ERBB4: variants seen among roughly 807,000 people sequenced by gnomAD.
ERBB4 encodes erb-b2 receptor tyrosine kinase 4.
Under a neutral mutation model 158.0 loss-of-function variants are expected in ERBB4, and 42 were observed. That is an observed-to-expected ratio of 0.27 (90% CI 0.21 to 0.34). ERBB4 has a LOEUF of 0.34. Ranked by LOEUF, ERBB4 falls within the 10% of genes least tolerant of loss-of-function variation. The pLI is 1.00. For missense variants in ERBB4, 1,333 were observed against 1,624.1 expected, an observed-to-expected ratio of 0.82 and a Z score of 3.08; for synonymous variants, 583 against 558.7, an observed-to-expected ratio of 1.04 and a Z score of -0.61.
At chr2:211,857,305 T>A (rs1318941741) in intron 3 of ERBB4, among the ~76,000 whole-genome samples, 2 of 152,080 alleles carry the variant, frequency 1.3e-5, no homozygotes, top group South Asian at 2.1e-4. Context: ...AAAGAAAAAA[T>A]TTCTAGTTCA....
chr2:211,743,370 AC>A (rs2074855852), intron 5 of ERBB4, among the ~76,000 whole-genome samples: 1 of 152,098 alleles, frequency 6.6e-6, no homozygotes, highest in Non-Finnish European at 1.5e-5. Flanking sequence ...CTGAGATAAC[AC>A]CAGGTCTAGC....
intron 1 of ERBB4, among the ~76,000 whole-genome samples, chr2:212,264,167 G>A (rs1293291476): frequency 6.6e-6 from 1 of 152,098 alleles, no homozygotes; most frequent in African/African-American, 2.4e-5. Flanking sequence ...GGACTACCAA[G>A]CAATCCATGT....
At chr2:211,545,210 T>G (rs931195015) in intron 20 of ERBB4, among the ~76,000 whole-genome samples, 1 of 152,066 alleles carries the variant, frequency 6.6e-6, no homozygotes, top group South Asian at 2.1e-4. Flanking sequence ...GCTTAACATT[T>G]TTTTTAAAGT....
intron 19 of ERBB4, among the ~76,000 whole-genome samples, chr2:211,616,164 G>C (rs1279403970): frequency 1.3e-5 from 2 of 151,626 alleles, no homozygotes; most frequent in Non-Finnish European, 2.9e-5. Context: ...AGGGGGTGAA[G>C]TGTGGCTCTT....
intron 3 of ERBB4, among the ~76,000 whole-genome samples, chr2:211,931,872 A>G (rs2080186676): frequency 6.6e-6 from 1 of 152,078 alleles, no homozygotes; most frequent in South Asian, 2.1e-4. Flanking sequence ...ACTGCATAAG[A>G]AAAGTGGACA....
intron 4 of ERBB4, among the ~76,000 whole-genome samples, chr2:211,783,697 C>G (rs963800994): frequency 6.6e-6 from 1 of 152,200 alleles, no homozygotes; most frequent in Non-Finnish European, 1.5e-5. Flanking sequence ...TTGAACCACC[C>G]TTGCATCCCA....
chr2:211,627,472 C>A (rs1487101843), intron 17 of ERBB4, among the ~76,000 whole-genome samples: 1 of 152,186 alleles, frequency 6.6e-6, no homozygotes, highest in Non-Finnish European at 1.5e-5. Context: ...TAACTTTATT[C>A]CCTAGAAAGT....
intron 5 of ERBB4, among the ~76,000 whole-genome samples, chr2:211,747,347 C>T (rs1384641420): frequency 1.3e-5 from 2 of 152,072 alleles, no homozygotes; most frequent in Non-Finnish European, 2.9e-5. Context: ...ATCATCCCTC[C>T]CACCCCTCCT....
chr2:211,515,193 A>T (rs993977827), intron 20 of ERBB4, among the ~76,000 whole-genome samples: 5 of 152,126 alleles, frequency 3.3e-5, no homozygotes, highest in Admixed American at 6.5e-5. Flanking sequence ...GATTTAGCAG[A>T]GCTGAATCTG....
At position 212,270,942 on chromosome 2, in the gene ERBB4, C is replaced by T. The variant is rs1025416399; in HGVS notation, c.83-146039G>A. Among the ~76,000 whole-genome samples, 3 of 151,874 alleles carry T rather than the reference C, an allele frequency of 2.0e-5. No homozygotes were observed. In the East Asian group the frequency reaches 5.8e-4, roughly 30 times the overall value. ...GTGGAACGGAGGCATGCCATCCACACTATGTCCTGCCCAATATCTGTCCCA... is the reference window on the plus strand; with the variant it reads ...GTGGAACGGAGGCATGCCATCCACATTATGTCCTGCCCAATATCTGTCCCA... On this transcript the variant is annotated intron_variant, in intron 1 of 27. Transcript: ENST00000342788.
At chr2:211,984,657 A>G (rs1046428055) in intron 2 of ERBB4, among the ~76,000 whole-genome samples, 2 of 152,234 alleles carry the variant, frequency 1.3e-5, no homozygotes, top group African/African-American at 4.8e-5. Flanking sequence ...TAACCAAAAA[A>G]AAATGAAGAA....
At chr2:211,961,018 T>C (rs1235174808) in intron 2 of ERBB4, among the ~76,000 whole-genome samples, 1 of 152,148 alleles carries the variant, frequency 6.6e-6, no homozygotes, top group Admixed American at 6.6e-5. Flanking sequence ...AATAATGCTG[T>C]ATTTTCTTCA....
intron 2 of ERBB4, among the ~76,000 whole-genome samples, chr2:211,951,179 CTT>C (rs2125148804): frequency 6.6e-6 from 1 of 152,198 alleles, no homozygotes; most frequent in East Asian, 1.9e-4. Flanking sequence ...GGAAGTGACT[CTT>C]CTTATCAAAA....
chr2:211,614,770 A>G (rs2069323193), intron 19 of ERBB4, among the ~76,000 whole-genome samples: 2 of 152,186 alleles, frequency 1.3e-5, no homozygotes, highest in Admixed American at 6.6e-5. Flanking sequence ...TATCAATTAG[A>G]TTTAAAATAA....
chr2:212,518,358 A>G (rs1439129840), intron 1 of ERBB4, among the ~76,000 whole-genome samples: 1 of 152,044 alleles, frequency 6.6e-6, no homozygotes, highest in East Asian at 1.9e-4. Flanking sequence ...AATTATATTC[A>G]AGAATGAATA....
chr2:211,508,631 T>C (rs962496577), intron 20 of ERBB4, among the ~76,000 whole-genome samples: 3 of 152,178 alleles, frequency 2.0e-5, no homozygotes, highest in Admixed American at 1.3e-4. Context: ...ACTGGGTATA[T>C]ACCCAAAGGA....
Position 212,522,152 on chromosome 2 carries a change from C to T in ERBB4, c.82+16297G>A, listed in dbSNP as rs1056265391. Reference sequence around the variant, plus strand: ...TATGTGAATTTAATAGGAGCCTAGGCATTGCTGATCAGCCACCTGCACAAG... The same window carrying T: ...TATGTGAATTTAATAGGAGCCTAGGTATTGCTGATCAGCCACCTGCACAAG... On this transcript the variant is annotated intron_variant, in intron 1 of 27. Coordinates refer to ENST00000342788, the MANE Select transcript of ERBB4 (RefSeq NM_005235.3). Among the ~76,000 whole-genome samples, 14 of 152,068 alleles carry T rather than the reference C, an allele frequency of 9.2e-5. No individual in the cohort carries two copies. The South Asian group carries it at 2.5e-3, about 27-fold the overall frequency.
intron 1 of ERBB4, among the ~76,000 whole-genome samples, chr2:212,431,236 A>G (rs1417564796): frequency 1.3e-5 from 2 of 148,466 alleles, no homozygotes; most frequent in Non-Finnish European, 3.0e-5. Context: ...TCTCATCTAA[A>G]CAGCTCCTTT....
Position 211,740,557 on chromosome 2 carries a change from G to A in ERBB4, c.622+10082C>T, listed in dbSNP as rs6722824. On this transcript the variant is annotated intron_variant, in intron 5 of 27. Transcript: ENST00000342788. ...CCCCTTCTTATCCTCTTTCATCTCT[G>A]TACTGTACCCCTTCCTATCCTCTTT... Among the ~76,000 whole-genome samples, 82,771 of 149,260 alleles carry A rather than the reference G, an allele frequency of 0.55. 23,357 individuals are homozygous for A. The highest frequency in any genetic ancestry group is 0.68 in the South Asian group (3,241 of 4,766).
Sources: allele counts gnomAD v4.1 joint callset (sites outside exome capture counted in the v4.1 genomes callset), GRCh38; gene constraint gnomAD v4.1.1; transcripts MANE v1.5; gene names NCBI Gene and HGNC (gene_info 2026-07-23, HGNC 2026-07-21).